Variants in FPR1 observed in about 807,000 individuals in gnomAD.
FPR1 encodes N-formyl peptide receptor 1.
For missense variants in FPR1, 407 were observed against 453.0 expected (o/e 0.90, Z 0.92); for synonymous variants, 193 against 176.7 (o/e 1.09, Z -0.73).
At chr19:51,748,976 G>A (rs927243990) in intron 1 of FPR1, among the ~76,000 whole-genome samples, 4 of 152,040 alleles carry the variant, frequency 2.6e-5, no homozygotes, top group Non-Finnish European at 4.4e-5. Context: ...CAGTACCTTG[G>A]GAGGCCGAGG....
chr19:51,747,109 A>C (rs1599807520), intron 1 of FPR1, 104 bp from the exon 2 acceptor site: 6 of 806,132 alleles, frequency 7.4e-6, no homozygotes, highest in African/African-American at 3.5e-5. Flanking sequence ...TAGCTTTCTC[A>C]CCTTCCCCTA....
At chr19:51,747,764 C>T (rs918819692) in intron 1 of FPR1, among the ~76,000 whole-genome samples, 11 of 152,128 alleles carry the variant, frequency 7.2e-5, no homozygotes, top group Non-Finnish European at 1.2e-4. Context: ...TTTATCCACC[C>T]AATGGAATAT....
Position 51,746,042 on chromosome 19 carries a change from G to A in FPR1, c.953C>T (p.Ala318Val), listed in dbSNP as rs1160122325. 1 of 1,614,184 alleles carries A rather than the reference G, an allele frequency of 6.2e-7. No homozygotes were observed. The highest frequency in any genetic ancestry group is 1.3e-5 in the African/African-American group (1 of 75,052). ...CTCGGTCAGGGCCCTCTCCAGACTG[G>A]CGGGAAGGGCGTGGATCAGCCTCTC... The part of the protein sequence containing the change: ...FRERLIHALP[A>V]SLERALTEDS... Residue 318 changes from alanine (A) to valine (V), a missense_variant, in exon 2 of 2, where the codon GCC (alanine) becomes GTC (valine). By Grantham distance (64) the Ala-to-Val change is moderately conservative. Coordinates refer to ENST00000304748, the MANE Select transcript of FPR1 (RefSeq NM_002029.4). This position sits in a 1 kb window ranked among gnomAD's most constrained non-coding sequence, Gnocchi z 4.3.
chr19:51,751,596 T>C (rs953478241), intron 1 of FPR1, among the ~76,000 whole-genome samples: 1 of 152,196 alleles, frequency 6.6e-6, no homozygotes, highest in Non-Finnish European at 1.5e-5. Context: ...TTGGCCAGGC[T>C]GGTCTCGAAC....
intron 1 of FPR1, among the ~76,000 whole-genome samples, chr19:51,747,667 A>G (rs1360626568): frequency 1.3e-5 from 2 of 152,206 alleles, no homozygotes; most frequent in Non-Finnish European, 2.9e-5. Flanking sequence ...TCAAACAAAA[A>G]TGTTCATAGA....
chr19:51,748,959 G>A (rs2083764429), intron 1 of FPR1, among the ~76,000 whole-genome samples: 1 of 152,040 alleles, frequency 6.6e-6, no homozygotes. Context: ...GCTCACGCCT[G>A]TAATCCCAGT....
rs1417492605 is a variant in FPR1 at position 51,748,906 on chromosome 19, C to T, written c.-11-1901G>A. Among the ~76,000 whole-genome samples, 7 of 152,040 alleles carry T rather than the reference C, an allele frequency of 4.6e-5. No homozygotes were observed. The East Asian group carries it at 1.3e-3, about 29-fold the overall frequency. On this transcript the variant is annotated intron_variant, in intron 1 of 1. Coordinates refer to ENST00000304748, the MANE Select transcript of FPR1 (RefSeq NM_002029.4). Reference sequence around the variant, plus strand: ...AGACTTTCTCTCACCCATAACACTGCATAAGAACTATAAGGTATGCAACTT... The same window carrying T: ...AGACTTTCTCTCACCCATAACACTGTATAAGAACTATAAGGTATGCAACTT...
At chr19:51,749,876 G>T (rs2083770320) in intron 1 of FPR1, among the ~76,000 whole-genome samples, 1 of 151,964 alleles carries the variant, frequency 6.6e-6, no homozygotes. Context: ...TCACCATGTT[G>T]CCCAGGCTGG....
At position 51,745,798 on chromosome 19, in the gene FPR1, C is replaced by T; in HGVS notation, c.*144G>A. On this transcript the variant is annotated 3_prime_UTR_variant, in exon 2 of 2. Coordinates refer to ENST00000304748, the MANE Select transcript of FPR1 (RefSeq NM_002029.4). ...TAAACTCATATCTGTTTATTCTCCC[C>T]AAATCAGGGGACACAAAGGCTTTTT... 1 of 693,104 alleles carries T rather than the reference C, an allele frequency of 1.4e-6. No individual in the cohort carries two copies. The highest frequency in any genetic ancestry group is 1.9e-5 in the South Asian group (1 of 53,262). 42.9% of individuals were successfully genotyped at this position (693,104 alleles called of 1,614,324 possible). A position where few individuals can be genotyped will look rare whatever the true frequency, so the allele number is the denominator to read the frequency against.
At chr19:51,751,341 A>G (rs1265374603) in intron 1 of FPR1, among the ~76,000 whole-genome samples, 3 of 151,986 alleles carry the variant, frequency 2.0e-5, no homozygotes, top group African/African-American at 7.3e-5. Flanking sequence ...CATCATTCCC[A>G]TCAGGACCCC....
chr19:51,746,229 G>A lies in FPR1; in HGVS notation c.766C>T (p.Pro256Ser). 6.2e-7 allele frequency: 1 copy of A among 1,614,094 alleles called. No homozygotes were observed. Among genetic ancestry groups the A allele is most frequent in the Non-Finnish European group, 8.5e-7 (1 of 1,180,016 alleles). The change falls in exon 2 of 2, where the codon CCA becomes TCA. Residue 256 changes from proline to serine, a missense_variant. Pro to Ser is a moderately conservative substitution (Grantham distance 74). Transcript: ENST00000304748. This position sits in a 1 kb window ranked among gnomAD's most constrained non-coding sequence, Gnocchi z 4.3. ...GCTATAAGGGCCACCACCTGATATG[G>A]GGACCAGCAGAGAAAAAAGGCTGCT... Reference protein sequence around the residue: ...VAAAFFLCWSPYQVVALIATV... With the variant: ...VAAAFFLCWSSYQVVALIATV...
intron 1 of FPR1, among the ~76,000 whole-genome samples, chr19:51,747,904 C>T (rs11882804): frequency 0.76 from 115,571 of 152,110 alleles, 44,444 homozygotes; most frequent in East Asian, 0.97. Flanking sequence ...TTTGGGAAGC[C>T]GAGGTAGGAG....
chr19:51,745,946 T>C lies in FPR1; in HGVS notation c.1049A>G (p.Lys350Arg), dbSNP rs2122320246. 1.2e-6 allele frequency: 2 copies of C among 1,607,364 alleles called. No individual in the cohort carries two copies. Among genetic ancestry groups the C allele is most frequent in the East Asian group, 2.2e-5 (1 of 44,650 alleles). ...AAGTGTCCCCCAGCTCCCTCCTCAC[T>C]TTGCCTGTAACTCCACCTCTGCAGA... ...LPSAEVELQA[K>R] The change falls in exon 2 of 2, where the codon AAG becomes AGG. Residue 350 changes from lysine to arginine, a missense_variant. Physicochemically the swap from Lys to Arg is conservative, Grantham distance 26. Transcript: ENST00000304748.
At chr19:51,747,280 G>T (rs569553988) in intron 1 of FPR1, among the ~76,000 whole-genome samples, 4 of 150,052 alleles carry the variant, frequency 2.7e-5, no homozygotes, top group African/African-American at 9.9e-5. Flanking sequence ...GTGCAGTGGC[G>T]TGATCTCTCA....
chr19:51,747,798 AGCACTGATATAT>A (rs1309397501), intron 1 of FPR1, among the ~76,000 whole-genome samples: 1 of 152,206 alleles, frequency 6.6e-6, no homozygotes, highest in Non-Finnish European at 1.5e-5. Flanking sequence ...AAAACAATGA[AGCACTGATATAT>A]GCTACAACGT....
rs562631943 is a variant in FPR1, at chr19:51,746,565, T to C, written c.430A>G (p.Lys144Glu). The part of the protein sequence containing the change: ...QNHRTVSLAK[K>E]VIIGPWVMAL... ...ATCACCCAGGGCCCAATGATCACCT[T>C]CTTGGCCAGGCTCACGGTGCGGTGG... The change falls in exon 2 of 2, where the codon AAG (lysine) becomes GAG (glutamate). Residue 144 changes from lysine to glutamate, a missense_variant. Transcript: ENST00000304748. The surrounding 1 kb of genome is among the most constrained non-coding windows in gnomAD (Gnocchi z 4.3). 1 of 1,614,160 alleles carries C rather than the reference T, an allele frequency of 6.2e-7. No homozygotes were observed. The highest frequency in any genetic ancestry group is 1.3e-5 in the African/African-American group (1 of 75,030).
At position 51,745,906 on chromosome 19, in the gene FPR1, G is replaced by C. The variant is rs377323607; in HGVS notation, c.*36C>G. On this transcript the variant is annotated 3_prime_UTR_variant, in exon 2 of 2. Coordinates refer to ENST00000304748, the MANE Select transcript of FPR1 (RefSeq NM_002029.4). ...CCTAACTCAAGGTGAGACGAAGCTG[G>C]AGCTGGGAGCTCGAAAGTGTCCCCC... 3.8e-6 allele frequency: 6 copies of C among 1,563,922 alleles called. No homozygotes were observed. In the Admixed American group the frequency reaches 5.1e-5, roughly 13 times the overall value.
chr19:51,746,199 C>T lies in FPR1; in HGVS notation c.796G>A (p.Val266Ile). Residue 266 changes from valine (V) to isoleucine (I), a missense_variant, in exon 2 of 2, where the codon GTC becomes ATC. Transcript: ENST00000304748. The surrounding 1 kb of genome is among the most constrained non-coding windows in gnomAD (Gnocchi z 4.3). ...PYQVVALIAT[V>I]RIRELLQGMY... is the part of the protein sequence containing the mutation. ...CCTTGCAATAACTCACGGATTCTGA[C>T]TGTGGCTATAAGGGCCACCACCTGA... The T allele has an allele frequency of 6.2e-7, 1 of 1,614,204 alleles. No individual in the cohort carries two copies. The highest frequency in any genetic ancestry group is 8.5e-7 in the Non-Finnish European group (1 of 1,180,034).
At position 51,746,156 on chromosome 19, in the gene FPR1, C is replaced by G. The variant is rs771719466; in HGVS notation, c.839G>C (p.Gly280Ala). ...GGCACTTGTCACATCCACTGCAATA[C>G]CAATTTCTTTGTACATGCCTTGCAA... Reference protein sequence around the residue: ...ELLQGMYKEIGIAVDVTSALA... With the variant: ...ELLQGMYKEIAIAVDVTSALA... Residue 280 changes from glycine to alanine, a missense_variant, in exon 2 of 2, where the codon GGT (glycine) becomes GCT (alanine). Coordinates refer to ENST00000304748, the MANE Select transcript of FPR1 (RefSeq NM_002029.4). The surrounding 1 kb of genome is among the most constrained non-coding windows in gnomAD (Gnocchi z 4.3). 1 of 1,614,170 alleles carries G rather than the reference C, an allele frequency of 6.2e-7. No individual in the cohort carries two copies. The highest frequency in any genetic ancestry group is 1.1e-5 in the South Asian group (1 of 91,082).
Sources: gnomAD v4.1 joint callset for allele counts (sites outside exome capture counted in the v4.1 genomes callset) on GRCh38, gnomAD v4.1.1 for gene constraint, Gnocchi (gnomAD v3.1) non-coding constraint, MANE v1.5 for transcripts, NCBI Gene and HGNC (gene_info 2026-07-23, HGNC 2026-07-21) for gene names.